Variants in KIF13B observed in about 807,000 individuals in gnomAD.
KIF13B encodes kinesin family member 13B, also known as kinesin-like protein KIF13B.
A neutral mutation model predicts 222.0 loss-of-function variants in KIF13B; 127 were observed. The observed-to-expected ratio is 0.57, with a 90% CI of 0.50 to 0.66. KIF13B has a LOEUF of 0.66. KIF13B is among the 30% of genes least tolerant of loss of function. The pLI is 0.00. For missense variants in KIF13B, 2,173 were observed against 2,379.0 expected (o/e 0.91, Z 1.80); for synonymous variants, 976 against 919.0 (o/e 1.06, Z -1.12).
At position 29,226,297 on chromosome 8, in the gene KIF13B, C is replaced by T. The variant is rs568460094; in HGVS notation, c.149+19049G>A. ...AGTAACTAGGGTCTGTAGCTCTTCACATTATAGATGGAATTTTAGATGACT... is the reference window on the plus strand; with the variant it reads ...AGTAACTAGGGTCTGTAGCTCTTCATATTATAGATGGAATTTTAGATGACT... On this transcript the variant is annotated intron_variant, in intron 2 of 39. Coordinates refer to ENST00000524189, the MANE Select transcript of KIF13B (RefSeq NM_015254.4). Among the ~76,000 whole-genome samples the T allele has an allele frequency of 3.3e-5, 5 of 152,316 alleles. No homozygotes were observed. In the East Asian group the frequency reaches 5.8e-4, roughly 18 times the overall value.
At chr8:29,161,608 A>C (rs2130117893) in intron 12 of KIF13B, among the ~76,000 whole-genome samples, 1 of 152,120 alleles carries the variant, frequency 6.6e-6, no homozygotes, top group Middle Eastern at 3.4e-3. Context: ...AGGCAGGAGA[A>C]TCACTTGAAC....
intron 37 of KIF13B, among the ~76,000 whole-genome samples, chr8:29,080,367 C>T (rs1250460461): frequency 6.8e-6 from 1 of 147,294 alleles, no homozygotes; most frequent in African/African-American, 2.5e-5. Flanking sequence ...AAACATTAAG[C>T]CTCAGCAATA....
chr8:29,084,000 C>A (rs543864255), intron 37 of KIF13B, among the ~76,000 whole-genome samples: 1 of 152,090 alleles, frequency 6.6e-6, no homozygotes, highest in Admixed American at 6.6e-5. Flanking sequence ...CTGCAACCTC[C>A]GCCTCCAGGG....
intron 23 of KIF13B, among the ~76,000 whole-genome samples, chr8:29,132,001 CT>C (rs1159637060): frequency 1.3e-5 from 2 of 152,138 alleles, no homozygotes; most frequent in South Asian, 2.1e-4. Flanking sequence ...AATCTCAGCA[CT>C]TTGGGAGGGT....
intron 2 of KIF13B, among the ~76,000 whole-genome samples, chr8:29,205,241 G>T (rs1041846045): frequency 2.0e-5 from 3 of 152,084 alleles, no homozygotes; most frequent in Non-Finnish European, 1.5e-5. Flanking sequence ...AGGCCTCACT[G>T]TATTGATCAA....
intron 10 of KIF13B, among the ~76,000 whole-genome samples, chr8:29,170,802 G>A (rs957424573): frequency 6.6e-6 from 1 of 152,206 alleles, no homozygotes; most frequent in Non-Finnish European, 1.5e-5. Context: ...CTGTGGCTGG[G>A]CGCAGCGGCT....
intron 32 of KIF13B, among the ~76,000 whole-genome samples, chr8:29,110,356 G>C (rs1809299151): frequency 1.3e-5 from 2 of 152,148 alleles, no homozygotes; most frequent in South Asian, 4.1e-4. Context: ...TGGTTAGAAA[G>C]GATTTTGTCG....
At chr8:29,194,543 C>T (rs1005293234) in intron 3 of KIF13B, among the ~76,000 whole-genome samples, 3 of 152,134 alleles carry the variant, frequency 2.0e-5, no homozygotes, top group African/African-American at 7.2e-5. Flanking sequence ...TAGCCTAGCT[C>T]TATTCCCCAA....
At position 29,109,915 on chromosome 8, in the gene KIF13B, A is replaced by G; in HGVS notation, c.4083+3T>C. ...GCCCGCCCTATCCATGCGGTTGGCTAACCTGGCGCAGACGATCTAAAGTCA... is the reference window on the plus strand; with the variant it reads ...GCCCGCCCTATCCATGCGGTTGGCTGACCTGGCGCAGACGATCTAAAGTCA... On this transcript the variant is annotated splice_donor_region_variant and intron_variant, in intron 33 of 39. Transcript: ENST00000524189. 1.9e-6 allele frequency: 3 copies of G among 1,613,160 alleles called. No homozygotes were observed. Among genetic ancestry groups the G allele is most frequent in the Non-Finnish European group, 2.5e-6 (3 of 1,179,670 alleles).
At position 29,118,892 on chromosome 8, in the gene KIF13B, C is replaced by T. The variant is rs768312001; in HGVS notation, c.3636G>A (p.Gln1212=). The change falls in exon 30 of 40, where the codon CAG becomes CAA. Residue 1212 remains glutamine (Q), a synonymous_variant. Transcript: ENST00000524189. ...GEEEEEFFEL[Q]IVKQHDGEVK... ...CCTCCCCATCATGCTGCTTCACAAT[C>T]TGCAATTCAAAGAACTCCTCTTCTT... The T allele has an allele frequency of 6.2e-7, 1 of 1,613,996 alleles. No individual in the cohort carries two copies. The highest frequency in any genetic ancestry group is 2.2e-5 in the East Asian group (1 of 44,888).
chr8:29,122,471 C>G lies in KIF13B; in HGVS notation c.3535+120G>C, dbSNP rs1016697670. 7.9e-6 allele frequency: 6 copies of G among 758,898 alleles called. No homozygotes were observed. In the Admixed American group the frequency reaches 1.3e-4, roughly 17 times the overall value. The allele number at this position is 758,898 out of a possible 1,614,324, so 47.0% of individuals were successfully genotyped here. ...GCAACCAGGAGACATGGACACACGT[C>G]AAACTGGCTCTAGCCTTAGGGGGAC... On this transcript the variant is annotated intron_variant, in intron 29 of 39. Coordinates refer to ENST00000524189, the MANE Select transcript of KIF13B (RefSeq NM_015254.4).
At chr8:29,214,076 T>G (rs1388117035) in intron 2 of KIF13B, among the ~76,000 whole-genome samples, 3 of 152,238 alleles carry the variant, frequency 2.0e-5, no homozygotes, top group Non-Finnish European at 1.5e-5. Context: ...GACTGGCCAT[T>G]GCATCAGGTG....
At chr8:29,164,942 GGT>G (rs1811927959) in intron 12 of KIF13B, among the ~76,000 whole-genome samples, 1 of 151,930 alleles carries the variant, frequency 6.6e-6, no homozygotes, top group African/African-American at 2.4e-5. Context: ...CCACCTCCCG[GGT>G]TCAAGCGATT....
chr8:29,165,095 G>C (rs1033289725), intron 12 of KIF13B, among the ~76,000 whole-genome samples: 1 of 152,136 alleles, frequency 6.6e-6, no homozygotes, highest in Non-Finnish European at 1.5e-5. Flanking sequence ...TGATCCACCT[G>C]TCTTGGCCTT....
In KIF13B at chr8:29,092,837, A is replaced by T. The variant is rs1323941990; in HGVS notation, c.4366T>A (p.Ser1456Thr). 1 of 1,612,584 alleles carries T rather than the reference A, an allele frequency of 6.2e-7. No homozygotes were observed. Among genetic ancestry groups the T allele is most frequent in the Non-Finnish European group, 8.5e-7 (1 of 1,179,350 alleles). The change falls in exon 37 of 40, where the codon TCC becomes ACC. Residue 1456 changes from serine (S) to threonine (T), a missense_variant. Physicochemically the swap from Ser to Thr is moderately conservative, Grantham distance 58. Transcript: ENST00000524189. Reference protein sequence around the residue: ...LAASYLNPVKSFVPQMPKLLK... With the variant: ...LAASYLNPVKTFVPQMPKLLK... ...AGCTTTGGCATTTGCGGCACGAAGG[A>T]TTTGACAGGATTCAAGTAGGATGCT...
At chr8:29,246,082 T>C (rs898109542) in intron 1 of KIF13B, among the ~76,000 whole-genome samples, 8 of 152,164 alleles carry the variant, frequency 5.3e-5, no homozygotes, top group African/African-American at 1.7e-4. Flanking sequence ...TGTATACATG[T>C]ATCAAAATAT....
intron 36 of KIF13B, among the ~76,000 whole-genome samples, chr8:29,095,619 T>C (rs915092449): frequency 1.3e-5 from 2 of 151,872 alleles, no homozygotes; most frequent in African/African-American, 2.4e-5. Flanking sequence ...ATACAAAAAT[T>C]GGCCAGGCGT....
chr8:29,247,623 G>T (rs539084293), intron 1 of KIF13B, among the ~76,000 whole-genome samples: 2 of 151,916 alleles, frequency 1.3e-5, no homozygotes, highest in South Asian at 2.1e-4. Context: ...GAGCACAGGA[G>T]TTTGAGACCA....
At chr8:29,248,937 T>C (rs1411278424) in intron 1 of KIF13B, among the ~76,000 whole-genome samples, 1 of 152,144 alleles carries the variant, frequency 6.6e-6, no homozygotes, top group Non-Finnish European at 1.5e-5. Context: ...CTAAAATTGA[T>C]TGTGCTGATG....
Sources: gnomAD v4.1 joint callset for allele counts (sites outside exome capture counted in the v4.1 genomes callset) on GRCh38, gnomAD v4.1.1 for gene constraint, MANE v1.5 for transcripts, NCBI Gene and HGNC (gene_info 2026-07-23, HGNC 2026-07-21) for gene names.